ARID5B: variants seen among roughly 807,000 people sequenced by gnomAD.
ARID5B encodes AT-rich interaction domain 5B.
A neutral mutation model predicts 97.2 loss-of-function variants in ARID5B; 13 were observed. The ratio of observed to expected loss-of-function variants is 0.13; its 90% CI spans 0.09 to 0.21. The LOEUF is 0.21. ARID5B is among the 10% of genes least tolerant of loss of function. The pLI is 1.00. For synonymous variants in ARID5B, 556 were observed against 570.3 expected, an observed-to-expected ratio of 0.97 and a Z score of 0.36; for missense variants, 1,210 against 1,465.3, an observed-to-expected ratio of 0.83 and a Z score of 2.84.
chr10:62,015,077 G>A (rs1403690671), intron 4 of ARID5B, among the ~76,000 whole-genome samples: 5 of 152,148 alleles, frequency 3.3e-5, no homozygotes, highest in African/African-American at 1.2e-4. Context: ...TGAAAATAAT[G>A]ACATTAGATC....
chr10:62,054,593 A>G (rs965234144), intron 5 of ARID5B, among the ~76,000 whole-genome samples: 1 of 152,150 alleles, frequency 6.6e-6, no homozygotes. Context: ...GACCTGGTTC[A>G]TGCACCCCTC....
At chr10:62,075,269 T>C (rs1840113269) in intron 8 of ARID5B, among the ~76,000 whole-genome samples, 1 of 152,236 alleles carries the variant, frequency 6.6e-6, no homozygotes, top group African/African-American at 2.4e-5. Context: ...GATATTTTTT[T>C]AATGTGAAAT....
intron 2 of ARID5B, among the ~76,000 whole-genome samples, chr10:61,920,016 A>G (rs117642984): frequency 3.9e-5 from 6 of 152,178 alleles, no homozygotes; most frequent in African/African-American, 1.4e-4. Context: ...GCAGGTGTTC[A>G]CATCTCTCCT....
chr10:62,033,479 G>A (rs1839522889), intron 4 of ARID5B, among the ~76,000 whole-genome samples: 1 of 152,212 alleles, frequency 6.6e-6, no homozygotes, highest in Non-Finnish European at 1.5e-5. Context: ...ATAGACAACA[G>A]TTCAGGCTCT....
At chr10:61,945,946 T>A (rs1382093288) in intron 3 of ARID5B, among the ~76,000 whole-genome samples, 2 of 149,758 alleles carry the variant, frequency 1.3e-5, no homozygotes, top group African/African-American at 2.4e-5. Flanking sequence ...TCCTTTAGGT[T>A]TTTGCTTGTT....
At chr10:61,909,918 G>T (rs571646884) in intron 2 of ARID5B, among the ~76,000 whole-genome samples, 1 of 152,306 alleles carries the variant, frequency 6.6e-6, no homozygotes, top group Non-Finnish European at 1.5e-5. Context: ...TCTCTGTTTC[G>T]TTGTTAATTT....
chr10:61,971,727 A>T (rs1838630427), intron 3 of ARID5B, among the ~76,000 whole-genome samples: 1 of 152,112 alleles, frequency 6.6e-6, no homozygotes, highest in South Asian at 2.1e-4. Context: ...TAAATTTTTA[A>T]ATGTTTTGTG....
intron 3 of ARID5B, among the ~76,000 whole-genome samples, chr10:61,946,704 C>G (rs760076652): frequency 2.0e-5 from 3 of 152,158 alleles, no homozygotes; most frequent in Admixed American, 6.5e-5. Flanking sequence ...GGGTGGATCA[C>G]AAGGTCAGGA....
At chr10:61,997,151 T>C (rs1839011997) in intron 3 of ARID5B, among the ~76,000 whole-genome samples, 1 of 151,928 alleles carries the variant, frequency 6.6e-6, no homozygotes, top group Non-Finnish European at 1.5e-5. Flanking sequence ...CACGGACAGT[T>C]GTAGGAGTTG....
intron 9 of ARID5B, among the ~76,000 whole-genome samples, chr10:62,087,675 A>G (rs1021033922): frequency 4.6e-5 from 7 of 152,122 alleles, no homozygotes; most frequent in Non-Finnish European, 1.0e-4. Flanking sequence ...ATAATTAAAC[A>G]CTGGTTTAAA....
intron 3 of ARID5B, among the ~76,000 whole-genome samples, chr10:61,989,901 T>G (rs546033964): frequency 1.6e-4 from 25 of 152,316 alleles, no homozygotes; most frequent in African/African-American, 5.8e-4. Context: ...ACCAATACTT[T>G]GATTTGACTC....
intron 2 of ARID5B, among the ~76,000 whole-genome samples, chr10:61,938,863 G>T (rs1303857497): frequency 6.9e-6 from 1 of 145,554 alleles, no homozygotes. Context: ...TGAAATTTTA[G>T]ATCCTACCTT....
intron 2 of ARID5B, among the ~76,000 whole-genome samples, chr10:61,910,845 C>T (rs779705904): frequency 1.3e-5 from 2 of 152,146 alleles, no homozygotes; most frequent in Non-Finnish European, 2.9e-5. Flanking sequence ...TTTAATTACG[C>T]GAATTTTCTG....
At chr10:62,070,921 T>C (rs959291275) in intron 8 of ARID5B, among the ~76,000 whole-genome samples, 6 of 152,168 alleles carry the variant, frequency 3.9e-5, no homozygotes, top group Non-Finnish European at 2.9e-5. Context: ...ACACCACTGA[T>C]GTCCTAGTAC....
chr10:61,926,977 G>T (rs1037109699), intron 2 of ARID5B, among the ~76,000 whole-genome samples: 1 of 151,984 alleles, frequency 6.6e-6, no homozygotes, highest in Non-Finnish European at 1.5e-5. Context: ...GCCATTGAAA[G>T]TAATGGCAAA....
chr10:61,974,776 G>A (rs962231878), intron 3 of ARID5B, among the ~76,000 whole-genome samples: 2 of 152,206 alleles, frequency 1.3e-5, no homozygotes, highest in African/African-American at 4.8e-5. Context: ...TGCTTGCCAA[G>A]CGGTCTAAAT....
chr10:62,067,082 T>C (rs1463151029), intron 7 of ARID5B, among the ~76,000 whole-genome samples: 1 of 152,070 alleles, frequency 6.6e-6, no homozygotes, highest in South Asian at 2.1e-4. Context: ...GAACTTAATA[T>C]AGAACTTCTT....
At chr10:62,059,522 T>C (rs1355164463) in intron 7 of ARID5B, among the ~76,000 whole-genome samples, 2 of 152,102 alleles carry the variant, frequency 1.3e-5, no homozygotes, top group Admixed American at 1.3e-4. Flanking sequence ...CATATGTAAC[T>C]CTCCCCTGTC....
intron 2 of ARID5B, among the ~76,000 whole-genome samples, chr10:61,935,807 A>C (rs1467907795): frequency 6.6e-6 from 1 of 152,268 alleles, no homozygotes. Flanking sequence ...CATATTTTCA[A>C]AAACAACAAA....
Sources: allele counts gnomAD v4.1 joint callset (sites outside exome capture counted in the v4.1 genomes callset), GRCh38; gene constraint gnomAD v4.1.1; transcripts MANE v1.5; gene names NCBI Gene and HGNC (gene_info 2026-07-23, HGNC 2026-07-21).